Variants in UBE2E3 observed in about 807,000 individuals in gnomAD.
UBE2E3 encodes the protein ubiquitin-conjugating enzyme E2 E3.
UBE2E3 carries 5 observed loss-of-function variants against 23.6 expected under a neutral mutation model. That is an observed-to-expected ratio of 0.21 (90% CI 0.11 to 0.44). The LOEUF is 0.44. Among genes scored for constraint, UBE2E3 ranks in the 20% least tolerant of loss-of-function variants. The pLI is 0.99. For synonymous variants in UBE2E3, 78 were observed against 87.5 expected, an observed-to-expected ratio of 0.89 and a Z score of 0.60; for missense variants, 81 against 249.8, an observed-to-expected ratio of 0.32 and a Z score of 4.55.
intron 3 of UBE2E3, among the ~76,000 whole-genome samples, chr2:180,992,066 G>C (rs543059640): frequency 4.2e-4 from 64 of 152,034 alleles, no homozygotes; most frequent in Non-Finnish European, 8.1e-4. Flanking sequence ...CATTTGCTTT[G>C]CTTTCTTTTT....
chr2:181,003,951 C>CTA (rs981835327), intron 3 of UBE2E3, among the ~76,000 whole-genome samples: 26 of 152,268 alleles, frequency 1.7e-4, no homozygotes, highest in Middle Eastern at 3.4e-3. Context: ...TATAACTAGT[C>CTA]TAAAGACAGA....
chr2:181,046,195 A>T (rs187729710), intron 3 of UBE2E3, among the ~76,000 whole-genome samples: 1 of 152,294 alleles, frequency 6.6e-6, no homozygotes, highest in Admixed American at 6.5e-5. Context: ...TACATTGTCC[A>T]CCAAGGAAAA....
intron 3 of UBE2E3, among the ~76,000 whole-genome samples, chr2:181,047,801 C>A (rs752339014): frequency 6.6e-6 from 1 of 151,118 alleles, no homozygotes; most frequent in Non-Finnish European, 1.5e-5. Flanking sequence ...CTGAGGAGGC[C>A]TTGCAAAATG....
chr2:181,032,507 G>A (rs1686115162), intron 3 of UBE2E3, among the ~76,000 whole-genome samples: 1 of 152,060 alleles, frequency 6.6e-6, no homozygotes. Flanking sequence ...GAGTCATTTA[G>A]TATTTTTCAA....
intron 3 of UBE2E3, among the ~76,000 whole-genome samples, chr2:181,030,971 T>C (rs1264408832): frequency 6.6e-6 from 1 of 152,194 alleles, no homozygotes; most frequent in Non-Finnish European, 1.5e-5. Flanking sequence ...TTTATACTAT[T>C]ACGTTTGTTA....
At chr2:180,985,218 A>G (rs902305447) in intron 3 of UBE2E3, among the ~76,000 whole-genome samples, 1 of 152,154 alleles carries the variant, frequency 6.6e-6, no homozygotes, top group Non-Finnish European at 1.5e-5. Flanking sequence ...ATGAATGTAA[A>G]CTAATTTTAA....
At chr2:181,032,829 G>A (rs1228403972) in intron 3 of UBE2E3, among the ~76,000 whole-genome samples, 2 of 152,118 alleles carry the variant, frequency 1.3e-5, no homozygotes, top group African/African-American at 2.4e-5. Flanking sequence ...AGCAACTTCA[G>A]CAAAGTCTCA....
At chr2:180,987,473 T>C (rs1212752424) in intron 3 of UBE2E3, 11 of 1,471,208 alleles carry the variant, frequency 7.5e-6, no homozygotes, top group Non-Finnish European at 9.2e-6. Flanking sequence ...ATTTTAAGAG[T>C]GTATGTTCAG....
chr2:181,017,703 A>G lies in UBE2E3; in HGVS notation c.245+33610A>G, dbSNP rs573363049. Reference sequence around the variant, plus strand: ...TATGTTGCTTATTTAACAACAGCATAAAAGGTTTTTTTGTTTTTCTTTGTT... The same window carrying G: ...TATGTTGCTTATTTAACAACAGCATGAAAGGTTTTTTTGTTTTTCTTTGTT... On this transcript the variant is annotated intron_variant, in intron 3 of 5. Transcript: ENST00000410062. 6.7e-5 allele frequency among the ~76,000 whole-genome samples: 10 copies of G among 150,176 alleles called. No homozygotes were observed. The South Asian group carries it at 1.9e-3, about 29-fold the overall frequency.
rs72885220 is a variant in UBE2E3 at position 181,025,996 on chromosome 2, C to T, written c.246-31697C>T. 8.5e-3 allele frequency among the ~76,000 whole-genome samples: 1,295 copies of T among 151,918 alleles called. 18 individuals carry two copies. The highest frequency in any genetic ancestry group is 0.024 in the Middle Eastern group (7 of 294). ...ATATTTTAACGTCATTCAAAACATA[C>T]GTTAAATGTTGAGTAATACCAAGAA... is the stretch of plus-strand genomic sequence containing the variant. On this transcript the variant is annotated intron_variant, in intron 3 of 5. Transcript: ENST00000410062.
chr2:181,019,220 A>G (rs1685598499), intron 3 of UBE2E3, among the ~76,000 whole-genome samples: 1 of 152,192 alleles, frequency 6.6e-6, no homozygotes, highest in African/African-American at 2.4e-5. Context: ...TTGGCCTCCC[A>G]AAATGCTGGG....
intron 3 of UBE2E3, among the ~76,000 whole-genome samples, chr2:181,055,728 T>C (rs996872644): frequency 6.6e-6 from 1 of 151,732 alleles, no homozygotes; most frequent in African/African-American, 2.4e-5. Flanking sequence ...CGATGGCAAA[T>C]AGCATGATAA....
intron 3 of UBE2E3, among the ~76,000 whole-genome samples, chr2:181,035,140 A>G (rs1028918384): frequency 2.0e-5 from 3 of 152,156 alleles, no homozygotes. Context: ...TTACAGCAAA[A>G]TAACTGTTTT....
At chr2:180,993,821 T>C (rs1245166662) in intron 3 of UBE2E3, among the ~76,000 whole-genome samples, 1 of 152,184 alleles carries the variant, frequency 6.6e-6, no homozygotes, top group Non-Finnish European at 1.5e-5. Flanking sequence ...TTGCTTTCTG[T>C]AGTCTTCTTA....
At chr2:181,017,197 C>T (rs963665337) in intron 3 of UBE2E3, among the ~76,000 whole-genome samples, 7 of 141,864 alleles carry the variant, frequency 4.9e-5, no homozygotes, top group African/African-American at 1.5e-4. Context: ...ACATAGGGAT[C>T]GGGAGTATGG....
At chr2:181,054,147 G>C (rs1180963642) in intron 3 of UBE2E3, among the ~76,000 whole-genome samples, 1 of 151,742 alleles carries the variant, frequency 6.6e-6, no homozygotes, top group Non-Finnish European at 1.5e-5. Flanking sequence ...GAATCAAGCT[G>C]CTATTCACAT....
chr2:181,021,668 T>TTCCTTCCTTCCTTCCTTCC (rs1685706096), intron 3 of UBE2E3, among the ~76,000 whole-genome samples: 1 of 31,584 alleles, frequency 3.2e-5, no homozygotes, highest in African/African-American at 1.1e-4. Flanking sequence ...TCCTTCCTTC[T>TTCCTTCCTTCCTTCCTTCC]TTCCTTCCTT....
intron 3 of UBE2E3, among the ~76,000 whole-genome samples, chr2:180,988,700 G>A (rs759462055): frequency 1.3e-5 from 2 of 152,078 alleles, no homozygotes; most frequent in African/African-American, 2.4e-5. Context: ...TCTAATTGGC[G>A]TATGAAAGCA....
chr2:180,985,304 G>GGCCACT (rs1684424731), intron 3 of UBE2E3, among the ~76,000 whole-genome samples: 1 of 152,126 alleles, frequency 6.6e-6, no homozygotes, highest in Admixed American at 6.6e-5. Flanking sequence ...CTTGCCACAT[G>GGCCACT]TGGCTATTGG....
Sources: gnomAD v4.1 joint callset for allele counts (sites outside exome capture counted in the v4.1 genomes callset) on GRCh38, gnomAD v4.1.1 for gene constraint, MANE v1.5 for transcripts, NCBI Gene and HGNC (gene_info 2026-07-23, HGNC 2026-07-21) for gene names.